PINX1: variants seen among roughly 807,000 people sequenced by gnomAD.
PINX1 encodes PIN2 (TERF1) interacting telomerase inhibitor 1.
Under a neutral mutation model 25.4 loss-of-function variants are expected in PINX1, and 34 were observed. The observed-to-expected ratio is 1.34, with a 90% CI of 1.02 to 1.78. The LOEUF is 1.78. PINX1 is among the 40% of genes most tolerant of loss of function. PINX1 has a pLI of 0.00. For synonymous variants in PINX1, 197 were observed against 147.7 expected, an observed-to-expected ratio of 1.33 and a Z score of -2.42; for missense variants, 592 against 404.9, an observed-to-expected ratio of 1.46 and a Z score of -3.97.
Position 10,786,788 on chromosome 8 carries a change from C to T in PINX1, c.472-20872G>A, listed in dbSNP as rs564613742. Among the ~76,000 whole-genome samples the T allele has an allele frequency of 1.3e-4, 20 of 152,316 alleles. No individual in the cohort carries two copies. The South Asian group carries it at 4.1e-3, about 32-fold the overall frequency. ...GCAGTCCTGAAAGCACTCCTAGGAA[C>T]TTTCTGCAGGCCAACTCCCAGGAAC... is the stretch of plus-strand genomic sequence containing the variant. On this transcript the variant is annotated intron_variant, in intron 6 of 6. Coordinates refer to ENST00000314787, the MANE Select transcript of PINX1 (RefSeq NM_017884.6).
rs111424552 is a variant in PINX1, at chr8:10,776,758, C to G, written c.472-10842G>C. Among the ~76,000 whole-genome samples, 1,122 of 152,282 alleles carry G rather than the reference C, an allele frequency of 7.4e-3. 9 individuals carry two copies. The highest frequency in any genetic ancestry group is 0.025 in the African/African-American group (1,056 of 41,550). ...AGGGATGGGATGGTGCTGCCCAGACCTGTCACCAGAGTCGCCACCCTGCTC... is the reference window on the plus strand; with the variant it reads ...AGGGATGGGATGGTGCTGCCCAGACGTGTCACCAGAGTCGCCACCCTGCTC... On this transcript the variant is annotated intron_variant, in intron 6 of 6. Transcript: ENST00000314787.
chr8:10,791,528 A>C (rs1355458201), intron 6 of PINX1, among the ~76,000 whole-genome samples: 2 of 152,154 alleles, frequency 1.3e-5, no homozygotes, highest in Non-Finnish European at 2.9e-5. Flanking sequence ...CAGCTGGTAA[A>C]CTCCAACTGA....
intron 6 of PINX1, among the ~76,000 whole-genome samples, chr8:10,785,723 G>T (rs2409663): frequency 0.62 from 93,950 of 152,060 alleles, 30,508 homozygotes; most frequent in African/African-American, 0.81. Context: ...TAACTTGTGT[G>T]GAAAGACCGA....
At chr8:10,790,428 G>A (rs983925454) in intron 6 of PINX1, among the ~76,000 whole-genome samples, 3 of 152,128 alleles carry the variant, frequency 2.0e-5, no homozygotes, top group Non-Finnish European at 2.9e-5. Flanking sequence ...AAGCCAGGGG[G>A]AGGAAGCAAG....
Position 10,790,092 on chromosome 8 carries a change from C to T in PINX1, c.472-24176G>A, listed in dbSNP as rs184684986. Among the ~76,000 whole-genome samples, 218 of 152,266 alleles carry T rather than the reference C, an allele frequency of 1.4e-3. 1 individual carries two copies. The highest frequency in any genetic ancestry group is 4.8e-3 in the African/African-American group (200 of 41,552). ...AAGACACAGGTGGAGGCGCCGTCTG[C>T]ACTCACTCTCAGGACTCAGGTTCCC... On this transcript the variant is annotated intron_variant, in intron 6 of 6. Transcript: ENST00000314787.
intron 6 of PINX1, among the ~76,000 whole-genome samples, chr8:10,789,164 C>A (rs570497139): frequency 5.9e-5 from 9 of 152,202 alleles, no homozygotes; most frequent in Non-Finnish European, 1.2e-4. Context: ...AAGACTCCCA[C>A]CTTCTCCAAG....
At chr8:10,828,878 G>A (rs150954165) in intron 4 of PINX1, among the ~76,000 whole-genome samples, 101 of 152,246 alleles carry the variant, frequency 6.6e-4, no homozygotes, top group African/African-American at 2.2e-3. Flanking sequence ...CAGCTGGCCC[G>A]GCCCTCACAC....
chr8:10,822,199 G>C (rs574453362), intron 5 of PINX1: 4 of 152,336 alleles, frequency 2.6e-5, no homozygotes, highest in African/African-American at 7.2e-5. Context: ...GGACAAAAAG[G>C]TGAAGATGGA....
At chr8:10,803,355 C>G (rs1802330090) in intron 6 of PINX1, among the ~76,000 whole-genome samples, 1 of 152,188 alleles carries the variant, frequency 6.6e-6, no homozygotes, top group African/African-American at 2.4e-5. Context: ...CTAATGCGAT[C>G]TATCATCAGT....
At chr8:10,822,372 TA>T (rs1938405058) in intron 5 of PINX1, among the ~76,000 whole-genome samples, 1 of 152,206 alleles carries the variant, frequency 6.6e-6, no homozygotes, top group Admixed American at 6.5e-5. Context: ...ATACTGTTGA[TA>T]AACTTAGAGA....
chr8:10,830,731 G>C (rs1798203277), intron 4 of PINX1, among the ~76,000 whole-genome samples: 1 of 152,200 alleles, frequency 6.6e-6, no homozygotes, highest in South Asian at 2.1e-4. Flanking sequence ...CTTAACATCA[G>C]TCATTAGGGA....
chr8:10,834,695 G>T lies in PINX1; in HGVS notation c.100C>A (p.Leu34Ile). The T allele has an allele frequency of 1.2e-6, 2 of 1,613,592 alleles. No homozygotes were observed. The highest frequency in any genetic ancestry group is 1.7e-6 in the Non-Finnish European group (2 of 1,179,722). ...NDDSKFGQRM[L>I]EKMGWSKGKG... is the part of the protein sequence containing the mutation. ...CCTTTAGACCACCCCATCTTCTCTA[G>T]CATCCGCTGGCCAAACTTGGAATCG... Residue 34 changes from leucine (L) to isoleucine (I), a missense_variant, in exon 2 of 7, where the codon CTA (leucine) becomes ATA (isoleucine). Leu to Ile is a conservative substitution (Grantham distance 5, BLOSUM62 2). Transcript: ENST00000314787.
chr8:10,822,583 T>C (rs1380762263), intron 5 of PINX1, among the ~76,000 whole-genome samples: 1 of 152,196 alleles, frequency 6.6e-6, no homozygotes, highest in Non-Finnish European at 1.5e-5. Context: ...ATAATCATGA[T>C]TATCAGTTTC....
chr8:10,790,221 TAA>T (rs1460430086), intron 6 of PINX1, among the ~76,000 whole-genome samples: 1 of 152,010 alleles, frequency 6.6e-6, no homozygotes, highest in Non-Finnish European at 1.5e-5. Flanking sequence ...CGGGGCTGAA[TAA>T]AAAAGTCTTC....
At chr8:10,828,250 ATTC>A (rs1798117921) in intron 4 of PINX1, among the ~76,000 whole-genome samples, 3 of 152,170 alleles carry the variant, frequency 2.0e-5, no homozygotes, top group Admixed American at 1.3e-4. Flanking sequence ...CTACCAGTAA[ATTC>A]TTCTCTTTTG....
At chr8:10,811,167 T>C (rs973549319) in intron 6 of PINX1, among the ~76,000 whole-genome samples, 4 of 152,188 alleles carry the variant, frequency 2.6e-5, no homozygotes, top group South Asian at 2.1e-4. Flanking sequence ...ATTATCCCCA[T>C]TTACAAATGA....
chr8:10,804,113 G>C (rs1264883421), intron 6 of PINX1, among the ~76,000 whole-genome samples: 1 of 152,176 alleles, frequency 6.6e-6, no homozygotes, highest in Non-Finnish European at 1.5e-5. Context: ...AGAAGAGGAA[G>C]ACACACACTG....
chr8:10,829,218 G>T (rs926805866), intron 4 of PINX1, among the ~76,000 whole-genome samples: 1 of 150,732 alleles, frequency 6.6e-6, no homozygotes, highest in African/African-American at 2.5e-5. Context: ...CCCGGGAGGC[G>T]GAGGTTGCGG....
At chr8:10,826,869 A>T (rs1300398728) in intron 4 of PINX1, among the ~76,000 whole-genome samples, 2 of 152,362 alleles carry the variant, frequency 1.3e-5, no homozygotes, top group East Asian at 3.9e-4. Flanking sequence ...AAATACAAAG[A>T]TGAGGCATGA....
Sources: gnomAD v4.1 joint callset for allele counts (sites outside exome capture counted in the v4.1 genomes callset) on GRCh38, gnomAD v4.1.1 for gene constraint, MANE v1.5 for transcripts, NCBI Gene and HGNC (gene_info 2026-07-23, HGNC 2026-07-21) for gene names.